Variants in MACF1 observed in about 807,000 individuals in gnomAD.
The protein encoded by MACF1 is microtubule-actin cross-linking factor 1.
In MACF1, 193 loss-of-function variants were observed where a neutral mutation model predicts 854.8. That is an observed-to-expected ratio of 0.23 (90% confidence interval 0.20 to 0.25). The LOEUF is 0.25. Ranked by LOEUF, MACF1 falls within the 10% of genes least tolerant of loss-of-function variation. The pLI is 1.00. For synonymous variants in MACF1, 3,185 were observed against 3,226.7 expected, an observed-to-expected ratio of 0.99 and a Z score of 0.44; for missense variants, 7,722 against 8,929.1, an observed-to-expected ratio of 0.86 and a Z score of 5.45.
At chr1:39,275,273 G>A (rs1645412122) in intron 6 of MACF1, among the ~76,000 whole-genome samples, 1 of 151,970 alleles carries the variant, frequency 6.6e-6, no homozygotes, top group Non-Finnish European at 1.5e-5. Flanking sequence ...TAGTAGAGAC[G>A]GGGTTTCACT....
intron 91 of MACF1, 89 bp downstream of exon 91, chr1:39,459,338 T>C (rs1310412596): frequency 6.7e-6 from 9 of 1,344,684 alleles, no homozygotes; most frequent in Admixed American, 2.8e-5. Context: ...ATGTGAACCT[T>C]GTGTCTTAAT....
chr1:39,331,820 GAAGGTTA>G lies in MACF1; in HGVS notation c.5233_5239del (p.Lys1745AlafsTer10). 6.2e-7 allele frequency: 1 copy of G among 1,614,148 alleles called. No individual in the cohort carries two copies. Among genetic ancestry groups the G allele is most frequent in the Admixed American group, 1.7e-5 (1 of 60,014 alleles). ...GGATGGTGAGCTTGAAATCAGGCCGGAAGGTTAGCATTTTCCGTGCAGTTCAGGAAGG... is the reference window on the plus strand; with the variant it reads ...GGATGGTGAGCTTGAAATCAGGCCGGGCATTTTCCGTGCAGTTCAGGAAGG... On this transcript the variant is annotated frameshift_variant, in exon 37 of 101. Transcript: ENST00000564288. LOFTEE classifies it high-confidence loss of function.
chr1:39,219,644 G>A (rs1571188171), intron 1 of MACF1, among the ~76,000 whole-genome samples: 1 of 152,198 alleles, frequency 6.6e-6, no homozygotes, highest in Non-Finnish European at 1.5e-5. Flanking sequence ...GCTTACATTG[G>A]GAACATTAAG....
intron 2 of MACF1, among the ~76,000 whole-genome samples, chr1:39,164,201 A>G (rs1374627938): frequency 6.6e-6 from 1 of 152,224 alleles, no homozygotes; most frequent in Non-Finnish European, 1.5e-5. Context: ...CCTTGTAAAT[A>G]AATTTTTCTG....
intron 58 of MACF1, among the ~76,000 whole-genome samples, chr1:39,421,134 G>A (rs938080668): frequency 1.3e-5 from 2 of 152,198 alleles, no homozygotes; most frequent in South Asian, 4.1e-4. Flanking sequence ...CAAAGTGCTG[G>A]GATTACAGGC....
chr1:39,413,891 T>G (rs1643159707), intron 58 of MACF1: 1 of 1,605,674 alleles, frequency 6.2e-7, no homozygotes, highest in Admixed American at 1.7e-5. Flanking sequence ...GCAGCTATGG[T>G]GGCCACCCTA....
intron 35 of MACF1, 128 bp from the exon 36 acceptor site, chr1:39,327,088 CAA>C: frequency 1.1e-6 from 1 of 910,384 alleles, no homozygotes; most frequent in South Asian, 2.3e-5. Context: ...ACTGAAATGC[CAA>C]AGTCTCCGAT....
chr1:39,411,096 C>A (rs1390616311), intron 58 of MACF1: 1 of 1,613,426 alleles, frequency 6.2e-7, no homozygotes, highest in African/African-American at 1.3e-5. Context: ...AGCAGCACCC[C>A]CTTGGGGACA....
intron 30 of MACF1, 36 bp downstream of exon 30, chr1:39,318,651 A>T (rs1364542146): frequency 6.5e-7 from 1 of 1,527,548 alleles, no homozygotes; most frequent in South Asian, 1.2e-5. Context: ...GAAGAGTTAG[A>T]AATTTAAATT....
intron 70 of MACF1, among the ~76,000 whole-genome samples, chr1:39,437,217 A>G (rs1353794814): frequency 6.7e-6 from 1 of 148,310 alleles, no homozygotes; most frequent in East Asian, 1.9e-4. Flanking sequence ...GTATATTCAT[A>G]TATTTAGATT....
chr1:39,485,681 G>T lies in MACF1; in HGVS notation c.22555G>T (p.Ala7519Ser), dbSNP rs371553978. The change falls in exon 101 of 101, where the codon GCT becomes TCT. Residue 7519 changes from alanine to serine, a missense_variant. By Grantham distance (99) the Ala-to-Ser change is moderately conservative (BLOSUM62 1). This residue lies in a region of MACF1 where 185 missense variants were observed against 225.7 expected (regional missense o/e 0.82). Coordinates refer to ENST00000564288, the MANE Select transcript of MACF1 (RefSeq NM_001394062.1). ...TTGTTCCGACACTTCAGAAAGCAGC[G>T]CTGCAGGGGGCCAAGGCAACTCCAG... The part of the protein sequence containing the change: ...SACSDTSESS[A>S]AGGQGNSRRG... The T allele has an allele frequency of 6.2e-7, 1 of 1,614,026 alleles. No homozygotes were observed. The highest frequency in any genetic ancestry group is 1.1e-5 in the South Asian group (1 of 91,072).
chr1:39,209,449 A>G (rs2148273967), intron 1 of MACF1, among the ~76,000 whole-genome samples: 1 of 152,218 alleles, frequency 6.6e-6, no homozygotes, highest in East Asian at 1.9e-4. Flanking sequence ...ACAGGAAAAG[A>G]GCTTTATGGT....
chr1:39,266,594 C>CTTTTTTTTT (rs11406070), intron 6 of MACF1, among the ~76,000 whole-genome samples: 13 of 58,118 alleles, frequency 2.2e-4, no homozygotes, highest in Admixed American at 5.2e-4. Context: ...TGGTCTTTTC[C>CTTTTTTTTT]TTTTTTTTTT....
intron 58 of MACF1, among the ~76,000 whole-genome samples, chr1:39,405,845 TA>T (rs1159552712): frequency 6.6e-6 from 1 of 152,050 alleles, no homozygotes; most frequent in African/African-American, 2.4e-5. Flanking sequence ...ATTTCTCTTT[TA>T]AAAAGTTTAT....
chr1:39,261,805 A>G (rs1645166423), intron 6 of MACF1, among the ~76,000 whole-genome samples: 2 of 152,192 alleles, frequency 1.3e-5, no homozygotes, highest in Non-Finnish European at 2.9e-5. Flanking sequence ...TCTCTTGTGT[A>G]TACATGTATA....
intron 58 of MACF1, chr1:39,410,370 A>G (rs558038170): frequency 1.6e-5 from 26 of 1,613,998 alleles, no homozygotes; most frequent in African/African-American, 2.7e-5. Context: ...ATGTTCCACA[A>G]CGGTCTATAT....
chr1:39,241,737 GA>G (rs1405981282), intron 2 of MACF1, among the ~76,000 whole-genome samples: 62 of 151,542 alleles, frequency 4.1e-4, no homozygotes, highest in African/African-American at 1.2e-3. Flanking sequence ...GGGGAGGGGG[GA>G]CTCTTATTAT....
At chr1:39,248,764 G>C (rs1645009679) in intron 2 of MACF1, among the ~76,000 whole-genome samples, 2 of 151,970 alleles carry the variant, frequency 1.3e-5, no homozygotes, top group South Asian at 4.2e-4. Context: ...GTCTTGTTCT[G>C]TCGCCTATGC....
chr1:39,420,832 G>T (rs1443385735), intron 58 of MACF1, among the ~76,000 whole-genome samples: 2 of 151,142 alleles, frequency 1.3e-5, no homozygotes, highest in Non-Finnish European at 2.9e-5. Flanking sequence ...AATATAGCTG[G>T]TTCTATCCCT....
Sources: gnomAD v4.1 joint callset for allele counts (sites outside exome capture counted in the v4.1 genomes callset) on GRCh38, gnomAD v4.1.1 for gene constraint, gnomAD v4.1.1 regional missense constraint, MANE v1.5 for transcripts, NCBI Gene and HGNC (gene_info 2026-07-23, HGNC 2026-07-21) for gene names.